CABP1: variants seen among roughly 807,000 people sequenced by gnomAD.
The protein encoded by CABP1 is calcium binding protein 1, also known as calcium-binding protein 1.
A neutral mutation model predicts 34.3 loss-of-function variants in CABP1; 17 were observed. That is an observed-to-expected ratio of 0.50 (90% CI 0.34 to 0.74). The LOEUF is 0.74. CABP1 is among the 30% of genes least tolerant of loss of function. The pLI is 0.01. For synonymous variants in CABP1, 198 were observed against 229.2 expected (o/e 0.86, Z 1.23); for missense variants, 373 against 511.1 (o/e 0.73, Z 2.61).
In CABP1 at chr12:120,640,776, C is replaced by G; in HGVS notation, c.91C>G (p.Arg31Gly). 1.7e-6 allele frequency: 2 copies of G among 1,146,140 alleles called. No individual in the cohort carries two copies. The highest frequency in any genetic ancestry group is 2.1e-6 in the Non-Finnish European group (2 of 933,508). The allele number at this position is 1,146,140 out of a possible 1,614,324, so 71.0% of individuals were successfully genotyped here. The change falls in exon 1 of 6, where the codon CGT (arginine) becomes GGT (glycine). Residue 31 changes from arginine (R) to glycine (G), a missense_variant. By Grantham distance (125) the Arg-to-Gly change is moderately radical. Transcript: ENST00000316803. The surrounding 1 kb of genome is among the most constrained non-coding windows in gnomAD (Gnocchi z 6.2). Reference protein sequence around the residue: ...VLGLGSRREPRSLPAGGPAPR... With the variant: ...VLGLGSRREPGSLPAGGPAPR... ...CGGGCTTGGCTCCCGCCGGGAGCCC[C>G]GTTCTCTGCCCGCCGGGGGCCCCGC...
intron 1 of CABP1, among the ~76,000 whole-genome samples, chr12:120,658,233 A>G (rs1289135005): frequency 6.6e-6 from 1 of 151,832 alleles, no homozygotes. Flanking sequence ...AGCTGGGACT[A>G]CAGGCGTGAA....
rs987363577 is a variant in CABP1 at position 120,641,451 on chromosome 12, G to A, written c.654+112G>A. 7 of 1,144,812 alleles carry A rather than the reference G, an allele frequency of 6.1e-6. No homozygotes were observed. The highest frequency in any genetic ancestry group is 7.7e-6 in the Non-Finnish European group (7 of 908,994). 70.9% of individuals were successfully genotyped at this position (1,144,812 alleles called of 1,614,324 possible). Reference sequence around the variant, plus strand: ...CGGCCCGTGGTCCCCCACGGATCACGCCTCGGCTCACCTCGTCCTCCCCGG... The same window carrying A: ...CGGCCCGTGGTCCCCCACGGATCACACCTCGGCTCACCTCGTCCTCCCCGG... On this transcript the variant is annotated intron_variant, in intron 1 of 5. Transcript: ENST00000316803. This position sits in a 1 kb window ranked among gnomAD's most constrained non-coding sequence, Gnocchi z 6.7.
chr12:120,644,351 C>T (rs1386837217), intron 1 of CABP1, among the ~76,000 whole-genome samples: 2 of 152,152 alleles, frequency 1.3e-5, no homozygotes, highest in African/African-American at 4.8e-5. Flanking sequence ...GGGTAAGGTA[C>T]TTTGAAAGCT....
At chr12:120,655,830 CGTG>C in intron 1 of CABP1, 1 of 879,634 alleles carries the variant, frequency 1.1e-6, no homozygotes, top group South Asian at 3.8e-5. Flanking sequence ...TGCGTGCGTG[CGTG>C]TGTGTGTGTG....
intron 1 of CABP1, chr12:120,650,718 G>C: frequency 6.2e-7 from 1 of 1,602,074 alleles, no homozygotes; most frequent in Non-Finnish European, 8.6e-7. Context: ...TGGGGCTGGG[G>C]ATTGGGGGTA....
At position 120,644,959 on chromosome 12, in the gene CABP1, C is replaced by T. The variant is rs533574417; in HGVS notation, c.654+3620C>T. Among the ~76,000 whole-genome samples, 9 of 152,298 alleles carry T rather than the reference C, an allele frequency of 5.9e-5. 1 individual carries two copies. The highest frequency in any genetic ancestry group is 4.6e-4 in the Admixed American group (7 of 15,284). ...AGCTGGAATTACAGGTGCCTGCCAC[C>T]GCACCTGGCTAATTTTTGTATTGTT... On this transcript the variant is annotated intron_variant, in intron 1 of 5. Coordinates refer to ENST00000316803, the MANE Select transcript of CABP1 (RefSeq NM_001033677.2).
At chr12:120,650,789 C>A in intron 1 of CABP1, 1 of 1,175,924 alleles carries the variant, frequency 8.5e-7, no homozygotes, top group East Asian at 2.4e-5. Context: ...CTATCCTTCC[C>A]AGGGGTTCTG....
At chr12:120,670,026 A>G (rs1355469028), downstream of CABP1, among the ~76,000 whole-genome samples, 5 of 152,030 alleles carry the variant, frequency 3.3e-5, no homozygotes, top group Non-Finnish European at 7.4e-5. Flanking sequence ...TTTTAGAGAC[A>G]GGGTCTCACT....
chr12:120,641,847 G>A lies in CABP1; in HGVS notation c.654+508G>A, dbSNP rs1490711254. 2.6e-5 allele frequency among the ~76,000 whole-genome samples: 4 copies of A among 152,236 alleles called. No individual in the cohort carries two copies. Among genetic ancestry groups the A allele is most frequent in the African/African-American group, 4.8e-5 (2 of 41,466 alleles). ...TCATGTCCCTGAAGGCCTGAGAAAA[G>A]TTAGGAGATCCAAAAATATGAGGAA... is the stretch of plus-strand genomic sequence containing the variant. On this transcript the variant is annotated intron_variant, in intron 1 of 5. Coordinates refer to ENST00000316803, the MANE Select transcript of CABP1 (RefSeq NM_001033677.2). This position sits in a 1 kb window ranked among gnomAD's most constrained non-coding sequence, Gnocchi z 6.7.
intron 1 of CABP1, chr12:120,650,312 C>T: frequency 2.4e-6 from 1 of 416,824 alleles, no homozygotes; most frequent in Non-Finnish European, 4.2e-6. Flanking sequence ...GCTTGGTTCC[C>T]CTCTGCCATC....
At chr12:120,664,287 A>G (rs1793123040) in intron 5 of CABP1, among the ~76,000 whole-genome samples, 1 of 152,164 alleles carries the variant, frequency 6.6e-6, no homozygotes, top group Non-Finnish European at 1.5e-5. Context: ...GGGGGCTGCT[A>G]TAGAGGGGGC....
Position 120,641,356 on chromosome 12 carries a change from C to G in CABP1, c.654+17C>G. The G allele has an allele frequency of 7.9e-7, 1 of 1,265,130 alleles. No individual in the cohort carries two copies. Among genetic ancestry groups the G allele is most frequent in the Non-Finnish European group, 1.0e-6 (1 of 1,004,810 alleles). The allele number at this position is 1,265,130 out of a possible 1,614,324, so 78.4% of individuals were successfully genotyped here. A position where few individuals can be genotyped will look rare whatever the true frequency, so the allele number is the denominator to read the frequency against. ...TTTGGCCAGGTAAGGGCCGCGCCTC[C>G]CGTCAGCGCTCCCGGGAAAGGCGCT... On this transcript the variant is annotated intron_variant, in intron 1 of 5. Coordinates refer to ENST00000316803, the MANE Select transcript of CABP1 (RefSeq NM_001033677.2). The surrounding 1 kb of genome is among the most constrained non-coding windows in gnomAD (Gnocchi z 6.7).
intron 1 of CABP1, among the ~76,000 whole-genome samples, chr12:120,649,551 G>A (rs566094126): frequency 6.6e-6 from 1 of 152,302 alleles, no homozygotes; most frequent in East Asian, 1.9e-4. Flanking sequence ...ACCTCGAAGA[G>A]CGCTTCGTAA....
At chr12:120,666,203 T>TAA (rs78315987) in intron 5 of CABP1, among the ~76,000 whole-genome samples, 13,218 of 106,722 alleles carry the variant, frequency 0.12, 888 homozygotes, top group Non-Finnish European at 0.14. Flanking sequence ...GTCTCTACAT[T>TAA]AAAAAAAAAA....
chr12:120,660,746 A>G lies in CABP1; in HGVS notation c.845A>G (p.Asp282Gly). The change falls in exon 4 of 6, where the codon GAT (aspartate) becomes GGT (glycine). Residue 282 changes from aspartate to glycine, a missense_variant. By Grantham distance (94) the Asp-to-Gly change is moderately conservative. Around this residue, in one of 4 missense-constraint regions of CABP1, gnomAD observed 109 missense variants for 204.8 expected, o/e 0.53. Coordinates refer to ENST00000316803, the MANE Select transcript of CABP1 (RefSeq NM_001033677.2). The surrounding 1 kb of genome is among the most constrained non-coding windows in gnomAD (Gnocchi z 5.0). Reference sequence around the variant, plus strand: ...CCTTTTCCAGTGGGTGGCCATGTAGATTTTGATGACTTCGTGGAGCTAATG... The same window carrying G: ...CCTTTTCCAGTGGGTGGCCATGTAGGTTTTGATGACTTCGTGGAGCTAATG... ...QINMNLGGHV[D>G]FDDFVELMGP... 3 of 1,613,404 alleles carry G rather than the reference A, an allele frequency of 1.9e-6. No homozygotes were observed. Among genetic ancestry groups the G allele is most frequent in the African/African-American group, 1.3e-5 (1 of 74,994 alleles).
chr12:120,652,685 G>T lies in CABP1; in HGVS notation c.655-7193G>T, dbSNP rs531592564. 9.2e-5 allele frequency among the ~76,000 whole-genome samples: 14 copies of T among 152,246 alleles called. No homozygotes were observed. In the South Asian group the frequency reaches 2.9e-3, roughly 32 times the overall value. ...GTCCAAATTCCCGCTCAGCGCATCA[G>T]TCCCCTCCCCGCTCACCAGGCACTC... On this transcript the variant is annotated intron_variant, in intron 1 of 5. Coordinates refer to ENST00000316803, the MANE Select transcript of CABP1 (RefSeq NM_001033677.2).
chr12:120,663,261 GTTATTTAT>G (rs150864781), intron 5 of CABP1, among the ~76,000 whole-genome samples: 49 of 150,720 alleles, frequency 3.3e-4, no homozygotes, highest in African/African-American at 9.8e-4. Context: ...TCAGTGAAAG[GTTATTTAT>G]TTATTTATTT....
At chr12:120,649,265 C>G (rs75261740) in intron 1 of CABP1, among the ~76,000 whole-genome samples, 2,074 of 152,310 alleles carry the variant, frequency 0.014, 55 homozygotes, top group African/African-American at 0.048. Context: ...GCAGCCCCCC[C>G]ACACGGGAGA....
downstream of CABP1, among the ~76,000 whole-genome samples, chr12:120,671,747 G>T (rs1313951550): frequency 6.6e-6 from 1 of 152,214 alleles, no homozygotes; most frequent in Non-Finnish European, 1.5e-5. Flanking sequence ...TAGCAGTGTG[G>T]TTAAAAGCAT....
Sources: allele counts gnomAD v4.1 joint callset (sites outside exome capture counted in the v4.1 genomes callset), GRCh38; gene constraint gnomAD v4.1.1; regional missense constraint gnomAD v4.1.1; non-coding constraint Gnocchi (gnomAD v3.1); transcripts MANE v1.5; gene names NCBI Gene and HGNC (gene_info 2026-07-23, HGNC 2026-07-21).